WDPCP: variants seen among roughly 807,000 people sequenced by gnomAD.
The protein encoded by WDPCP is WD repeat containing planar cell polarity effector.
In WDPCP, 71 loss-of-function variants were observed where a neutral mutation model predicts 93.1. The ratio of observed to expected loss-of-function variants is 0.76; its 90% CI spans 0.63 to 0.93. The LOEUF is 0.93. Ranked by LOEUF, WDPCP falls within the 40% of genes least tolerant of loss-of-function variation. The probability of loss-of-function intolerance (pLI) is 0.00; values close to 1 mark genes in which losing one functional copy is unlikely to be tolerated. For synonymous variants in WDPCP, 315 were observed against 315.0 expected (o/e 1.00, Z 0.00); for missense variants, 844 against 887.4 (o/e 0.95, Z 0.62).
chr2:63,153,549 G>C lies in WDPCP; in HGVS notation c.2104C>G (p.Leu702Val), dbSNP rs767162327. ...AATCCAGAACAGATGTCTTTTTCAA[G>C]TTCATTCCTTCTGTCAATTATTTGT... ...NRQIIDRRNE[L>V]EKDICSGFLM... is the part of the protein sequence containing the mutation. Residue 702 changes from leucine to valine, a missense_variant, in exon 16 of 18, where the codon CTT becomes GTT. Physicochemically the swap from Leu to Val is conservative, Grantham distance 32. Transcript: ENST00000272321. The C allele has an allele frequency of 6.2e-7, 1 of 1,612,282 alleles. No homozygotes were observed. The highest frequency in any genetic ancestry group is 1.1e-5 in the South Asian group (1 of 90,900).
intron 1 of WDPCP, among the ~76,000 whole-genome samples, chr2:63,539,109 T>C (rs945028217): frequency 6.6e-6 from 1 of 152,212 alleles, no homozygotes; most frequent in African/African-American, 2.4e-5. Flanking sequence ...TTTAAACATA[T>C]TTTATCAAAA....
At chr2:63,412,406 G>A (rs530432459) in intron 9 of WDPCP, among the ~76,000 whole-genome samples, 17 of 152,200 alleles carry the variant, frequency 1.1e-4, no homozygotes, top group South Asian at 1.0e-3. Context: ...ATCTATGACA[G>A]TCCCACAGCC....
intron 14 of WDPCP, among the ~76,000 whole-genome samples, chr2:63,198,571 C>G (rs1675641112): frequency 2.0e-5 from 3 of 152,142 alleles, no homozygotes; most frequent in South Asian, 4.1e-4. Context: ...TTTGCCCTTG[C>G]TGTTCTAGTA....
At chr2:63,364,998 T>C (rs1558523105) in intron 12 of WDPCP, among the ~76,000 whole-genome samples, 1 of 152,186 alleles carries the variant, frequency 6.6e-6, no homozygotes, top group Non-Finnish European at 1.5e-5. Flanking sequence ...CTTGGCTGTG[T>C]TCCAAAAGAA....
At chr2:63,601,395 T>C (rs553628174) in intron 3 of WDPCP, among the ~76,000 whole-genome samples, 90 of 152,338 alleles carry the variant, frequency 5.9e-4, no homozygotes, top group Non-Finnish European at 1.2e-3. Context: ...GCTGTATTTA[T>C]GTCTGCTGAT....
intron 17 of WDPCP, among the ~76,000 whole-genome samples, chr2:63,149,879 T>C (rs540147340): frequency 5.3e-5 from 8 of 152,180 alleles, no homozygotes; most frequent in Admixed American, 2.0e-4. Context: ...CATGCACCTA[T>C]AATTCTAGCT....
intron 1 of WDPCP, among the ~76,000 whole-genome samples, chr2:63,503,907 G>GAAA (rs3051720): frequency 2.2e-5 from 3 of 135,146 alleles, no homozygotes; most frequent in Non-Finnish European, 4.9e-5. Context: ...GAGCTCAAAT[G>GAAA]AAAAAAAAAA....
rs11344156 is a variant in WDPCP, at chr2:63,120,524, ATTTTTTT to A, written c.*1475_*1481del. Reference sequence around the variant, plus strand: ...TTGATTATTATTATAGATGTCTATAATTTTTTTTTTTTTTTTTTTTGCAACGGAGTCT... The same window carrying A: ...TTGATTATTATTATAGATGTCTATAATTTTTTTTTTTTTGCAACGGAGTCT... On this transcript the variant is annotated 3_prime_UTR_variant, in exon 18 of 18. Transcript: ENST00000272321. Among the ~76,000 whole-genome samples, 49 of 108,868 alleles carry A rather than the reference ATTTTTTT, an allele frequency of 4.5e-4. No homozygotes were observed. Among genetic ancestry groups the A allele is most frequent in the Admixed American group, 2.5e-3 (25 of 10,112 alleles). The allele number at this position is 108,868 out of a possible 152,430, so 71.4% of individuals were successfully genotyped here.
chr2:63,304,622 G>A lies in WDPCP; in HGVS notation c.1812+8626C>T, dbSNP rs563518438. On this transcript the variant is annotated intron_variant, in intron 13 of 17. Transcript: ENST00000272321. ...AACTTGCAGACCAGGAGATTCCCTC[G>A]GGTGCCTACACCACCAGGGCCCTGG... is the stretch of plus-strand genomic sequence containing the variant. Among the ~76,000 whole-genome samples the A allele has an allele frequency of 1.6e-4, 25 of 152,226 alleles. 1 individual carries two copies. The highest frequency in any genetic ancestry group is 4.2e-4 in the South Asian group (2 of 4,814).
intron 3 of WDPCP, among the ~76,000 whole-genome samples, chr2:63,646,236 T>G (rs1710048400): frequency 6.6e-6 from 1 of 152,108 alleles, no homozygotes; most frequent in African/African-American, 2.4e-5. Context: ...TATTTTAAGC[T>G]GATAACAACT....
chr2:63,724,837 C>G (rs1207697197), intron 2 of WDPCP, among the ~76,000 whole-genome samples: 2 of 152,210 alleles, frequency 1.3e-5, no homozygotes, highest in South Asian at 2.1e-4. Flanking sequence ...AAGCCCACCT[C>G]TGCCAGCACA....
intron 2 of WDPCP, among the ~76,000 whole-genome samples, chr2:63,809,561 G>A (rs929279871): frequency 6.6e-6 from 1 of 152,234 alleles, no homozygotes. Context: ...ATTTTGTTCT[G>A]TACCAAGAAA....
At chr2:63,758,579 C>T (rs528016147) in intron 2 of WDPCP, among the ~76,000 whole-genome samples, 17 of 152,240 alleles carry the variant, frequency 1.1e-4, no homozygotes, top group African/African-American at 4.1e-4. Context: ...GCTGGGACTA[C>T]AGGCACATGC....
At chr2:63,465,206 GTGT>G (rs1699270353) in intron 6 of WDPCP, among the ~76,000 whole-genome samples, 2 of 151,996 alleles carry the variant, frequency 1.3e-5, no homozygotes, top group Non-Finnish European at 1.5e-5. Flanking sequence ...TATTTCATAT[GTGT>G]TAACTTACTG....
intron 1 of WDPCP, among the ~76,000 whole-genome samples, chr2:63,587,952 G>A (rs1017518495): frequency 6.6e-6 from 1 of 152,214 alleles, no homozygotes; most frequent in Non-Finnish European, 1.5e-5. Context: ...CAAAGTAAAT[G>A]CTCAATAAAT....
chr2:63,828,994 T>C (rs1671155775), upstream of WDPCP, among the ~76,000 whole-genome samples: 1 of 152,186 alleles, frequency 6.6e-6, no homozygotes, highest in African/African-American at 2.4e-5. Flanking sequence ...AAATTTGTAT[T>C]TTTATGTATT....
intron 2 of WDPCP, among the ~76,000 whole-genome samples, chr2:63,719,245 G>A (rs1669381417): frequency 6.6e-6 from 1 of 152,214 alleles, no homozygotes. Context: ...AACTGGAAAT[G>A]TGGAGGAGGG....
chr2:63,689,579 G>A (rs994894421), intron 2 of WDPCP, among the ~76,000 whole-genome samples: 16 of 152,162 alleles, frequency 1.1e-4, no homozygotes, highest in Admixed American at 8.5e-4. Flanking sequence ...GTATTCAGGA[G>A]GGATACTTCT....
intron 2 of WDPCP, among the ~76,000 whole-genome samples, chr2:63,669,649 C>T (rs963384464): frequency 4.6e-5 from 7 of 152,148 alleles, no homozygotes; most frequent in African/African-American, 9.7e-5. Flanking sequence ...TGTGAGCCAC[C>T]GTGCCCAGCC....
Sources: gnomAD v4.1 joint callset for allele counts (sites outside exome capture counted in the v4.1 genomes callset) on GRCh38, gnomAD v4.1.1 for gene constraint, MANE v1.5 for transcripts, NCBI Gene and HGNC (gene_info 2026-07-23, HGNC 2026-07-21) for gene names.